Variants in WDFY4 observed in about 807,000 individuals in gnomAD.
WDFY4 encodes WD repeat- and FYVE domain-containing protein 4.
Under a neutral mutation model 351.9 loss-of-function variants are expected in WDFY4, and 169 were observed. The ratio of observed to expected loss-of-function variants is 0.48; its 90% CI spans 0.42 to 0.55. The LOEUF (loss-of-function observed/expected upper bound fraction) is 0.55, where lower values mean the gene tolerates loss of function less well. Among genes scored for constraint, WDFY4 ranks in the 20% least tolerant of loss-of-function variants. The pLI is 0.00. For synonymous variants in WDFY4, 1,622 were observed against 1,574.6 expected (o/e 1.03, Z -0.71); for missense variants, 3,803 against 3,935.6 (o/e 0.97, Z 0.90).
intron 39 of WDFY4, among the ~76,000 whole-genome samples, chr10:48,841,628 C>T (rs116550947): frequency 0.011 from 1,621 of 152,294 alleles, 27 homozygotes; most frequent in African/African-American, 0.037. Context: ...TAGTTGTAAG[C>T]TCACATTTTC....
chr10:48,836,554 A>G (rs995367052), intron 39 of WDFY4, among the ~76,000 whole-genome samples: 137 of 152,344 alleles, frequency 9.0e-4, no homozygotes, highest in African/African-American at 3.2e-3. Flanking sequence ...TGTTCCTTGG[A>G]GTGAGACATA....
At chr10:48,695,498 A>G (rs1243322961) in intron 1 of WDFY4, among the ~76,000 whole-genome samples, 1 of 152,132 alleles carries the variant, frequency 6.6e-6, no homozygotes, top group Non-Finnish European at 1.5e-5. Flanking sequence ...TTTCAGATAC[A>G]TTACTTGTTT....
chr10:48,779,871 C>T, intron 18 of WDFY4, 70 bp from the exon 19 acceptor site: 1 of 1,524,582 alleles, frequency 6.6e-7, no homozygotes, highest in Non-Finnish European at 8.9e-7. Flanking sequence ...CCGCCTATGC[C>T]CTCCCCATTC....
chr10:48,693,432 C>T (rs1460156623), intron 1 of WDFY4, among the ~76,000 whole-genome samples: 1 of 152,206 alleles, frequency 6.6e-6, no homozygotes, highest in Non-Finnish European at 1.5e-5. Flanking sequence ...TCTCAGGCCC[C>T]TTGACCCCTT....
In WDFY4 at chr10:48,817,344, G is replaced by A. The variant is rs1347171695; in HGVS notation, c.5440G>A (p.Ala1814Thr). 23 of 1,551,542 alleles carry A rather than the reference G, an allele frequency of 1.5e-5. No homozygotes were observed. In the East Asian group the frequency reaches 5.6e-4, roughly 38 times the overall value. The change falls in exon 32 of 62, where the codon GCG (alanine) becomes ACG (threonine). Residue 1814 changes from alanine to threonine, a missense_variant. This residue lies in a region of WDFY4 where 3,054 missense variants were observed against 3,148.6 expected (regional missense o/e 0.97). Coordinates refer to ENST00000325239, the MANE Select transcript of WDFY4 (RefSeq NM_001394531.1). ...CCACCGCACCTACCCCCAGGACCCA[G>A]CGTGGCGAGCCCCGGAGTTCCTCCA... ...LVHRTYPQDP[A>T]WRAPEFLQTL...
chr10:48,965,408 C>G (rs1842031749), intron 54 of WDFY4, among the ~76,000 whole-genome samples: 1 of 152,216 alleles, frequency 6.6e-6, no homozygotes, highest in African/African-American at 2.4e-5. Flanking sequence ...GTCTGCTACT[C>G]CCAGTCACCT....
intron 43 of WDFY4, among the ~76,000 whole-genome samples, chr10:48,877,680 T>A (rs921340509): frequency 3.3e-5 from 5 of 152,192 alleles, no homozygotes; most frequent in African/African-American, 1.2e-4. Context: ...CACTCAAGCC[T>A]AGGGGTAAGC....
At chr10:48,871,708 C>T (rs1437749550) in intron 40 of WDFY4, among the ~76,000 whole-genome samples, 1 of 152,102 alleles carries the variant, frequency 6.6e-6, no homozygotes, top group Non-Finnish European at 1.5e-5. Context: ...AACTTCTGGC[C>T]TCAAGAAATT....
intron 12 of WDFY4, 125 bp from the exon 13 acceptor site, chr10:48,760,222 A>G: frequency 1.2e-6 from 1 of 824,614 alleles, no homozygotes; most frequent in Non-Finnish European, 1.9e-6. Context: ...GTTCAATGTC[A>G]TCTAGGTAAT....
At chr10:48,842,945 C>A (rs989411563) in intron 39 of WDFY4, among the ~76,000 whole-genome samples, 1 of 152,050 alleles carries the variant, frequency 6.6e-6, no homozygotes, top group Non-Finnish European at 1.5e-5. Flanking sequence ...TGCAGCCTCC[C>A]AAAAAATGGG....
intron 49 of WDFY4, among the ~76,000 whole-genome samples, chr10:48,943,922 T>G (rs1840913311): frequency 6.6e-6 from 1 of 152,140 alleles, no homozygotes; most frequent in Non-Finnish European, 1.5e-5. Context: ...ACTGTGGCCT[T>G]TGGTATTTGG....
chr10:48,862,292 G>T (rs890279672), intron 39 of WDFY4, among the ~76,000 whole-genome samples: 1 of 152,086 alleles, frequency 6.6e-6, no homozygotes, highest in African/African-American at 2.4e-5. Flanking sequence ...TTATTTATAT[G>T]TAATTCATAT....
chr10:48,894,664 A>G (rs1836982907), intron 44 of WDFY4, among the ~76,000 whole-genome samples: 1 of 152,230 alleles, frequency 6.6e-6, no homozygotes. Context: ...AGCCATGGGC[A>G]AAGACCTGCG....
intron 47 of WDFY4, among the ~76,000 whole-genome samples, chr10:48,941,021 A>G (rs1840725781): frequency 6.6e-6 from 1 of 152,216 alleles, no homozygotes; most frequent in African/African-American, 2.4e-5. Context: ...TTTTTAACCC[A>G]GTAGCACCAC....
At chr10:48,732,087 C>G (rs2064481963) in intron 9 of WDFY4, among the ~76,000 whole-genome samples, 1 of 152,156 alleles carries the variant, frequency 6.6e-6, no homozygotes, top group South Asian at 2.1e-4. Flanking sequence ...TTCCCTTGCC[C>G]CTACTTGGCC....
intron 6 of WDFY4, among the ~76,000 whole-genome samples, chr10:48,727,148 G>C (rs867164831): frequency 6.6e-6 from 1 of 152,102 alleles, no homozygotes; most frequent in African/African-American, 2.4e-5. Context: ...CCTCCTTAAG[G>C]TCTGAGATGA....
At chr10:48,974,295 G>T (rs1201227573) in intron 57 of WDFY4, among the ~76,000 whole-genome samples, 3 of 151,914 alleles carry the variant, frequency 2.0e-5, no homozygotes, top group Non-Finnish European at 4.4e-5. Context: ...TTGAGGTCAG[G>T]AGTTCAAGAC....
At chr10:48,941,193 G>A (rs542314761) in intron 47 of WDFY4, among the ~76,000 whole-genome samples, 25 of 152,276 alleles carry the variant, frequency 1.6e-4, no homozygotes, top group Admixed American at 3.9e-4. Context: ...AGTGTGAGCC[G>A]GTCTCCAGGG....
intron 39 of WDFY4, among the ~76,000 whole-genome samples, chr10:48,855,651 T>C (rs2069108154): frequency 6.6e-6 from 1 of 152,108 alleles, no homozygotes; most frequent in Non-Finnish European, 1.5e-5. Flanking sequence ...ATGCATGTGC[T>C]AATTTATTTT....
Sources: gnomAD v4.1 joint callset for allele counts (sites outside exome capture counted in the v4.1 genomes callset) on GRCh38, gnomAD v4.1.1 for gene constraint, gnomAD v4.1.1 regional missense constraint, MANE v1.5 for transcripts, NCBI Gene and HGNC (gene_info 2026-07-23, HGNC 2026-07-21) for gene names.